The following NDUFAF6 variants were observed in gnomAD, a reference collection of about 807,000 sequenced individuals.
NDUFAF6 encodes NADH dehydrogenase (ubiquinone) complex I, assembly factor 6.
Under a neutral mutation model 40.8 loss-of-function variants are expected in NDUFAF6, and 45 were observed. The observed-to-expected ratio is 1.10, with a 90% CI of 0.87 to 1.42. The LOEUF (loss-of-function observed/expected upper bound fraction) is 1.42. Ranked by LOEUF, NDUFAF6 falls within the 40% of genes most tolerant of loss-of-function variation. The pLI, the probability that NDUFAF6 is intolerant of heterozygous loss-of-function variation, is 0.00. For synonymous variants in NDUFAF6, 185 were observed against 155.9 expected (o/e 1.19, Z -1.39); for missense variants, 435 against 418.5 (o/e 1.04, Z -0.34).
At chr8:95,025,313 C>T in intron 1 of NDUFAF6, 108 bp downstream of exon 1, 1 of 1,136,176 alleles carries the variant, frequency 8.8e-7, no homozygotes, top group Non-Finnish European at 1.1e-6. Flanking sequence ...CGGCGCCTTC[C>T]TCGTGCCCCT....
intron 1 of NDUFAF6, among the ~76,000 whole-genome samples, chr8:94,931,609 C>CACACATATATAT (rs146282014): frequency 1.3e-4 from 19 of 151,562 alleles, no homozygotes; most frequent in African/African-American, 3.4e-4. Context: ...CACACACACA[C>CACACATATATAT]ATAAAATTTT....
At chr8:94,931,580 T>C (rs571392745) in intron 1 of NDUFAF6, among the ~76,000 whole-genome samples, 2 of 90,726 alleles carry the variant, frequency 2.2e-5, no homozygotes, top group African/African-American at 9.1e-5. Flanking sequence ...GAAACACACA[T>C]ATTTATTACA....
At chr8:94,946,048 ATAAG>A (rs968337713) in intron 2 of NDUFAF6, among the ~76,000 whole-genome samples, 4 of 152,150 alleles carry the variant, frequency 2.6e-5, no homozygotes, top group African/African-American at 9.7e-5. Flanking sequence ...AATAAGAAAA[ATAAG>A]TATTATTCCA....
In NDUFAF6 at chr8:94,932,037, T is replaced by C. The variant is rs746055999; in HGVS notation, c.-935-13446T>C. On this transcript the variant is annotated intron_variant, in intron 1 of 14. Transcript: ENST00000396113. ...GGTCCTTTGCCTCCCTATGCATACA[T>C]ATATCACACAGTCTCAAAGTGAATA... 21 of 1,599,158 alleles carry C rather than the reference T, an allele frequency of 1.3e-5. No individual in the cohort carries two copies. In the East Asian group the frequency reaches 4.0e-4, roughly 31 times the overall value.
At chr8:94,934,848 T>C (rs913515707) in intron 1 of NDUFAF6, among the ~76,000 whole-genome samples, 5 of 152,176 alleles carry the variant, frequency 3.3e-5, no homozygotes, top group Non-Finnish European at 7.3e-5. Context: ...CTTAATAAAC[T>C]TGTAGCACTG....
chr8:94,934,332 T>A (rs1028164151), intron 1 of NDUFAF6, among the ~76,000 whole-genome samples: 1 of 152,150 alleles, frequency 6.6e-6, no homozygotes, highest in African/African-American at 2.4e-5. Context: ...CACACAACAC[T>A]GCAAAGTAAA....
chr8:95,050,374 T>C (rs997181764), intron 7 of NDUFAF6, among the ~76,000 whole-genome samples: 1 of 152,174 alleles, frequency 6.6e-6, no homozygotes, highest in African/African-American at 2.4e-5. Context: ...GAAGAGATTA[T>C]GGAGTTGTAG....
intron 9 of NDUFAF6, among the ~76,000 whole-genome samples, chr8:95,071,207 G>T (rs1258341946): frequency 6.8e-6 from 1 of 147,536 alleles, no homozygotes; most frequent in Non-Finnish European, 1.5e-5. Flanking sequence ...TGGCTAACAC[G>T]GTGAAAACCC....
At chr8:95,117,116 T>C (rs1810151911), downstream of NDUFAF6, among the ~76,000 whole-genome samples, 2 of 152,242 alleles carry the variant, frequency 1.3e-5, no homozygotes, top group East Asian at 3.8e-4. Flanking sequence ...CTGCTGAGCA[T>C]AGATCAGCTC....
intron 1 of NDUFAF6, among the ~76,000 whole-genome samples, chr8:94,966,894 A>C (rs1824054251): frequency 6.6e-6 from 1 of 152,174 alleles, no homozygotes. Context: ...TTTCCAGGAG[A>C]CTCACTACAT....
At chr8:95,016,520 G>A (rs187750132) in intron 2 of NDUFAF6, among the ~76,000 whole-genome samples, 4 of 152,260 alleles carry the variant, frequency 2.6e-5, no homozygotes, top group African/African-American at 4.8e-5. Flanking sequence ...TGAGGTGGGC[G>A]GATCATGAGG....
intron 2 of NDUFAF6, among the ~76,000 whole-genome samples, chr8:95,005,778 C>T (rs549031136): frequency 1.0e-3 from 156 of 151,482 alleles, no homozygotes; most frequent in African/African-American, 3.5e-3. Flanking sequence ...TAGACCAATT[C>T]GTATTGGTCT....
At chr8:94,917,762 CT>C (rs1220179481) in intron 1 of NDUFAF6, among the ~76,000 whole-genome samples, 2 of 152,182 alleles carry the variant, frequency 1.3e-5, no homozygotes, top group Non-Finnish European at 2.9e-5. Context: ...AAATCCTCCC[CT>C]AAATGTTATG....
intron 3 of NDUFAF6, chr8:95,036,462 T>C (rs1220513805): frequency 1.6e-6 from 2 of 1,289,262 alleles, no homozygotes; most frequent in East Asian, 5.5e-5. Context: ...ACCCCCCAAC[T>C]GGGGATTGAG....
chr8:95,111,255 T>C (rs1809992900), intron 4 of NDUFAF6, among the ~76,000 whole-genome samples: 1 of 152,184 alleles, frequency 6.6e-6, no homozygotes, highest in Non-Finnish European at 1.5e-5. Context: ...TTGGAAGGCA[T>C]TCCAGGCAAT....
At position 94,904,320 on chromosome 8, in the gene NDUFAF6, C is replaced by CTTTTTTTTTTTTTTTTTTTT. The variant is rs57749627; in HGVS notation, c.-936+8411_-936+8430dup. Among the ~76,000 whole-genome samples, 3 of 34,138 alleles carry CTTTTTTTTTTTTTTTTTTTT rather than the reference C, an allele frequency of 8.8e-5. 1 individual carries two copies. The highest frequency in any genetic ancestry group is 6.2e-4 in the Admixed American group (2 of 3,234). The allele number at this position is 34,138 out of a possible 152,430, so 22.4% of individuals were successfully genotyped here. ...CATCACACCTGGCTAATTTTTTTTG[C>CTTTTTTTTTTTTTTTTTTTT]TTTTTTTTTTTTTTTTTTTTTTTTT... On this transcript the variant is annotated intron_variant, in intron 1 of 14. Transcript: ENST00000396113.
chr8:95,039,469 G>C (rs1244935014), intron 3 of NDUFAF6, among the ~76,000 whole-genome samples: 1 of 151,204 alleles, frequency 6.6e-6, no homozygotes, highest in Non-Finnish European at 1.5e-5. Context: ...AAAAAGGGGG[G>C]GTTTCACTGT....
intron 1 of NDUFAF6, among the ~76,000 whole-genome samples, chr8:95,026,774 G>A (rs1232531210): frequency 6.6e-6 from 1 of 152,188 alleles, no homozygotes; most frequent in Admixed American, 6.5e-5. Context: ...TAAGGCTGGA[G>A]GAATGGCTTA....
upstream of NDUFAF6, among the ~76,000 whole-genome samples, chr8:94,955,836 A>G (rs1043885384): frequency 2.6e-5 from 4 of 152,166 alleles, no homozygotes; most frequent in African/African-American, 9.7e-5. Flanking sequence ...TGCATTTTGT[A>G]TTATGTGAAT....
Sources: allele counts gnomAD v4.1 joint callset (sites outside exome capture counted in the v4.1 genomes callset), GRCh38; gene constraint gnomAD v4.1.1; transcripts MANE v1.5; gene names NCBI Gene and HGNC (gene_info 2026-07-23, HGNC 2026-07-21).